TM4SF4: variants seen among roughly 807,000 people sequenced by gnomAD.
TM4SF4 encodes transmembrane 4 L6 family member 4.
Under a neutral mutation model 24.1 loss-of-function variants are expected in TM4SF4, and 24 were observed. The ratio of observed to expected loss-of-function variants is 1.00; its 90% CI spans 0.72 to 1.40. The LOEUF is 1.40. Among genes scored for constraint, TM4SF4 ranks in the 40% most tolerant of loss-of-function variants. The pLI is 0.00. For synonymous variants in TM4SF4, 113 were observed against 97.0 expected (o/e 1.17, Z -0.97); for missense variants, 254 against 254.2 (o/e 1.00, Z 0.01).
Position 149,487,753 on chromosome 3 carries a change from C to T in TM4SF4, c.399C>T (p.Asp133=), listed in dbSNP as rs754885811. The change falls in exon 3 of 5, where the codon GAC becomes GAT. Residue 133 remains aspartate, a splice_region_variant and synonymous_variant. Coordinates refer to ENST00000305354, the MANE Select transcript of TM4SF4 (RefSeq NM_004617.4). ...GTACATGGGGCTACCCCTTCCACGA[C>T]GGGTAAGGCCACACCCTGCAATGCC... is the stretch of plus-strand genomic sequence containing the variant. ...ANSTWGYPFH[D]GDYLNDEALW... is the part of the protein sequence containing the mutation. 50 of 1,613,772 alleles carry T rather than the reference C, an allele frequency of 3.1e-5. 1 individual carries two copies. Among genetic ancestry groups the T allele is most frequent in the East Asian group, 1.1e-4 (5 of 44,888 alleles).
rs546766287 is a variant in TM4SF4, at chr3:149,479,272, G to A, written c.264+3360G>A. Among the ~76,000 whole-genome samples the A allele has an allele frequency of 4.9e-4, 74 of 152,202 alleles. 1 individual carries two copies. Among genetic ancestry groups the A allele is most frequent in the African/African-American group, 1.8e-3 (73 of 41,540 alleles). On this transcript the variant is annotated intron_variant, in intron 2 of 4. Transcript: ENST00000305354. Reference sequence around the variant, plus strand: ...CCTTCCCTGCCCCTAAGACCATTGAGCTCATGCCCCCTGCTTCAGACTCTT... The same window carrying A: ...CCTTCCCTGCCCCTAAGACCATTGAACTCATGCCCCCTGCTTCAGACTCTT...
At position 149,503,215 on chromosome 3, in the gene TM4SF4, G is replaced by C. The variant is rs1380434436; in HGVS notation, c.*522G>C. 6.6e-6 allele frequency: 1 copy of C among 152,284 alleles called. No homozygotes were observed. Among genetic ancestry groups the C allele is most frequent in the Non-Finnish European group, 1.5e-5 (1 of 68,180 alleles). 9.4% of individuals were successfully genotyped at this position (152,284 alleles called of 1,614,324 possible). ...TTGAGTTGCTTGTGACTGATCTTTT[G>C]AGGCTGTCATCATGGCTAGGGTTCT... On this transcript the variant is annotated 3_prime_UTR_variant, in exon 5 of 5. Transcript: ENST00000305354.
At chr3:149,475,978 G>A (rs1733922128) in intron 2 of TM4SF4, 66 bp downstream of exon 2, 3 of 1,376,274 alleles carry the variant, frequency 2.2e-6, no homozygotes, top group Admixed American at 3.9e-5. Flanking sequence ...GTGCTGGGCA[G>A]CATGGGGATG....
intron 3 of TM4SF4, among the ~76,000 whole-genome samples, chr3:149,488,915 C>T (rs1370245742): frequency 2.6e-5 from 4 of 152,164 alleles, no homozygotes; most frequent in East Asian, 1.9e-4. Context: ...CAAACCTCTA[C>T]GTATTCATTT....
chr3:149,478,802 C>T (rs1733979068), intron 2 of TM4SF4, among the ~76,000 whole-genome samples: 1 of 152,140 alleles, frequency 6.6e-6, no homozygotes, highest in African/African-American at 2.4e-5. Flanking sequence ...CTCTTGTCCC[C>T]CAGCAGGCTG....
chr3:149,487,629 C>T lies in TM4SF4; in HGVS notation c.275C>T (p.Ser92Phe). 1 of 1,614,016 alleles carries T rather than the reference C, an allele frequency of 6.2e-7. No homozygotes were observed. The highest frequency in any genetic ancestry group is 8.5e-7 in the Non-Finnish European group (1 of 1,179,884). ...GCGKRFAMFT[S>F]TIFAVVGFLG... Reference sequence around the variant, plus strand: ...CTTCCTCTCTTTCAGATGTTCACCTCCACGATATTTGCTGTGGTTGGATTC... The same window carrying T: ...CTTCCTCTCTTTCAGATGTTCACCTTCACGATATTTGCTGTGGTTGGATTC... Residue 92 changes from serine (S) to phenylalanine (F), a missense_variant, in exon 3 of 5, where the codon TCC (serine) becomes TTC (phenylalanine). Ser to Phe is a radical substitution (Grantham distance 155, BLOSUM62 -2). Coordinates refer to ENST00000305354, the MANE Select transcript of TM4SF4 (RefSeq NM_004617.4).
chr3:149,493,825 C>A (rs1168232920), intron 3 of TM4SF4, among the ~76,000 whole-genome samples: 1 of 152,168 alleles, frequency 6.6e-6, no homozygotes, highest in Non-Finnish European at 1.5e-5. Flanking sequence ...GAAACCAAAC[C>A]CAGGCTGAGG....
rs1229015532 is a variant in TM4SF4 at position 149,496,033 on chromosome 3, T to G, written c.402-2689T>G. 1.7e-5 allele frequency: 4 copies of G among 231,590 alleles called. No homozygotes were observed. The East Asian group carries it at 4.2e-4, about 24-fold the overall frequency. 14.3% of individuals were successfully genotyped at this position (231,590 alleles called of 1,614,324 possible). A position where few individuals can be genotyped will look rare whatever the true frequency, so the allele number is the denominator to read the frequency against. ...GAATATTGTTCCTAACACCTGCCAC[T>G]ACAGTCTTAATCAGTGGTAGAAGAA... On this transcript the variant is annotated intron_variant, in intron 3 of 4. Transcript: ENST00000305354.
chr3:149,493,775 C>A (rs527919968), intron 3 of TM4SF4, among the ~76,000 whole-genome samples: 21 of 152,264 alleles, frequency 1.4e-4, no homozygotes, highest in Admixed American at 1.2e-3. Context: ...GGGCTCTGTA[C>A]AACAGGGGCG....
Position 149,487,764 on chromosome 3 carries a change from A to G in TM4SF4, c.401+9A>G. 1 of 1,613,530 alleles carries G rather than the reference A, an allele frequency of 6.2e-7. No homozygotes were observed. Among genetic ancestry groups the G allele is most frequent in the Non-Finnish European group, 8.5e-7 (1 of 1,179,518 alleles). On this transcript the variant is annotated intron_variant, in intron 3 of 4. Coordinates refer to ENST00000305354, the MANE Select transcript of TM4SF4 (RefSeq NM_004617.4). ...TACCCCTTCCACGACGGGTAAGGCCACACCCTGCAATGCCCACCTGTCACC... is the reference window on the plus strand; with the variant it reads ...TACCCCTTCCACGACGGGTAAGGCCGCACCCTGCAATGCCCACCTGTCACC...
chr3:149,488,910 C>T (rs1191174894), intron 3 of TM4SF4, among the ~76,000 whole-genome samples: 2 of 152,128 alleles, frequency 1.3e-5, no homozygotes, highest in Non-Finnish European at 2.9e-5. Flanking sequence ...TAACTCAAAC[C>T]TCTACGTATT....
chr3:149,483,759 G>T (rs920918652), intron 2 of TM4SF4, among the ~76,000 whole-genome samples: 1 of 152,016 alleles, frequency 6.6e-6, no homozygotes, highest in African/African-American at 2.4e-5. Context: ...TATTGATTGT[G>T]AACTGACATT....
intron 2 of TM4SF4, among the ~76,000 whole-genome samples, chr3:149,487,393 G>C (rs1185557037): frequency 6.6e-6 from 1 of 152,150 alleles, no homozygotes; most frequent in Non-Finnish European, 1.5e-5. Flanking sequence ...CAACACCTCT[G>C]TCATCAATGA....
chr3:149,497,743 C>G lies in TM4SF4; in HGVS notation c.402-979C>G, dbSNP rs111669445. On this transcript the variant is annotated intron_variant, in intron 3 of 4. Transcript: ENST00000305354. ...CACTGCAACCTCCACCTCCCGGGTT[C>G]AAGCAATTCTCCAGCCTTAGTCTCC... Among the ~76,000 whole-genome samples, 1,082 of 152,250 alleles carry G rather than the reference C, an allele frequency of 7.1e-3. 10 individuals are homozygous for G. Among genetic ancestry groups the G allele is most frequent in the African/African-American group, 0.024 (989 of 41,546 alleles).
intron 2 of TM4SF4, among the ~76,000 whole-genome samples, chr3:149,478,438 C>A (rs530152256): frequency 6.6e-6 from 1 of 152,246 alleles, no homozygotes; most frequent in South Asian, 2.1e-4. Context: ...AGCCACTACA[C>A]CTGGCCGGAA....
intron 2 of TM4SF4, among the ~76,000 whole-genome samples, chr3:149,483,341 C>T (rs1048526396): frequency 6.6e-6 from 1 of 152,100 alleles, no homozygotes; most frequent in Non-Finnish European, 1.5e-5. Flanking sequence ...TATGATGGCT[C>T]AGTAATCCCA....
Position 149,498,768 on chromosome 3 carries a change from C to A in TM4SF4, c.448C>A (p.Leu150Ile). Residue 150 changes from leucine (L) to isoleucine (I), a missense_variant, in exon 4 of 5, where the codon CTC (leucine) becomes ATC (isoleucine). By Grantham distance (5) the Leu-to-Ile change is conservative. Transcript: ENST00000305354. ...CTTATGGAACAAGTGCCGAGAGCCT[C>A]TCAATGTGGTTCCCTGGAATCTGAC... The part of the protein sequence containing the change: ...EALWNKCREP[L>I]NVVPWNLTLF... 6.2e-7 allele frequency: 1 copy of A among 1,614,000 alleles called. No individual in the cohort carries two copies. The highest frequency in any genetic ancestry group is 8.5e-7 in the Non-Finnish European group (1 of 1,179,878).
rs1734452627 is a variant in TM4SF4, at chr3:149,502,790, T to C, written c.*97T>C. 2.2e-6 allele frequency: 2 copies of C among 889,018 alleles called. No homozygotes were observed. The highest frequency in any genetic ancestry group is 3.7e-6 in the Non-Finnish European group (2 of 545,010). 55.1% of individuals were successfully genotyped at this position (889,018 alleles called of 1,614,324 possible). A position where few individuals can be genotyped will look rare whatever the true frequency, so the allele number is the denominator to read the frequency against. On this transcript the variant is annotated 3_prime_UTR_variant, in exon 5 of 5. Coordinates refer to ENST00000305354, the MANE Select transcript of TM4SF4 (RefSeq NM_004617.4). ...CTTGGAATTATTAATTCCTATCTGCTTCCTAGCTGATAAAGCTTAGAAAAG... is the reference window on the plus strand; with the variant it reads ...CTTGGAATTATTAATTCCTATCTGCCTCCTAGCTGATAAAGCTTAGAAAAG...
chr3:149,474,815 G>A lies in TM4SF4; in HGVS notation c.-63G>A. Reference sequence around the variant, plus strand: ...GACTCTCTGGCCAAAAACCCTTGAAGAGGCCCCGTGAAGGAGGCAGTGAGG... The same window carrying A: ...GACTCTCTGGCCAAAAACCCTTGAAAAGGCCCCGTGAAGGAGGCAGTGAGG... On this transcript the variant is annotated 5_prime_UTR_variant, in exon 1 of 5. Coordinates refer to ENST00000305354, the MANE Select transcript of TM4SF4 (RefSeq NM_004617.4). The A allele has an allele frequency of 6.6e-7, 1 of 1,515,514 alleles. No individual in the cohort carries two copies. Among genetic ancestry groups the A allele is most frequent in the Non-Finnish European group, 8.9e-7 (1 of 1,129,716 alleles). The allele number at this position is 1,515,514 out of a possible 1,614,324, so 93.9% of individuals were successfully genotyped here. A position where few individuals can be genotyped will look rare whatever the true frequency, so the allele number is the denominator to read the frequency against.
Sources: allele counts gnomAD v4.1 joint callset (sites outside exome capture counted in the v4.1 genomes callset), GRCh38; gene constraint gnomAD v4.1.1; transcripts MANE v1.5; gene names NCBI Gene and HGNC (gene_info 2026-07-23, HGNC 2026-07-21).